The following PLEKHA2 variants were observed in gnomAD, a reference collection of about 807,000 sequenced individuals.
PLEKHA2 encodes pleckstrin homology domain containing A2.
Under a neutral mutation model 53.2 loss-of-function variants are expected in PLEKHA2, and 28 were observed. The ratio of observed to expected loss-of-function variants is 0.53; its 90% CI spans 0.39 to 0.72. The LOEUF is 0.72. PLEKHA2 is among the 30% of genes least tolerant of loss of function. PLEKHA2 has a pLI of 0.00. For synonymous variants in PLEKHA2, 193 were observed against 196.4 expected (o/e 0.98, Z 0.14); for missense variants, 426 against 537.9 (o/e 0.79, Z 2.06).
intron 8 of PLEKHA2, 39 bp downstream of exon 8, chr8:38,952,743 A>G (rs1416190610): frequency 6.3e-7 from 1 of 1,584,946 alleles, no homozygotes; most frequent in South Asian, 1.1e-5. Flanking sequence ...GAGGTCATGG[A>G]AACTAAGAGG....
chr8:38,923,110 T>A (rs1483862251), intron 2 of PLEKHA2, among the ~76,000 whole-genome samples: 1 of 152,186 alleles, frequency 6.6e-6, no homozygotes, highest in Non-Finnish European at 1.5e-5. Flanking sequence ...GGGTAGCATA[T>A]CATTAGGTGC....
chr8:38,929,636 G>A (rs900970978), intron 2 of PLEKHA2, among the ~76,000 whole-genome samples: 1 of 152,252 alleles, frequency 6.6e-6, no homozygotes, highest in Non-Finnish European at 1.5e-5. Context: ...GCGACCACAT[G>A]TGAAGGTGCC....
chr8:38,965,854 G>C (rs555000849), intron 10 of PLEKHA2, among the ~76,000 whole-genome samples: 6 of 152,094 alleles, frequency 3.9e-5, no homozygotes, highest in African/African-American at 1.4e-4. Flanking sequence ...CTGTGCGTTC[G>C]GCCCTGTTTC....
intron 2 of PLEKHA2, among the ~76,000 whole-genome samples, chr8:38,921,316 C>T (rs921686173): frequency 4.6e-5 from 7 of 152,194 alleles, no homozygotes; most frequent in Non-Finnish European, 1.0e-4. Flanking sequence ...ACCTGCTTCA[C>T]GCCATGCTTC....
intron 9 of PLEKHA2, among the ~76,000 whole-genome samples, chr8:38,955,374 A>T (rs563337581): frequency 6.6e-6 from 1 of 152,338 alleles, no homozygotes; most frequent in East Asian, 1.9e-4. Context: ...TTTTATTCAG[A>T]AACTCAGAAA....
intron 3 of PLEKHA2, among the ~76,000 whole-genome samples, chr8:38,939,818 A>G (rs9298646): frequency 0.88 from 133,326 of 152,244 alleles, 59,046 homozygotes; most frequent in African/African-American, 0.97. Context: ...GGGCATAGTG[A>G]CTCATGCCTG....
At chr8:38,905,458 T>TA (rs34178207) in intron 1 of PLEKHA2, among the ~76,000 whole-genome samples, 3 of 147,690 alleles carry the variant, frequency 2.0e-5, no homozygotes, top group South Asian at 4.3e-4. Flanking sequence ...ACCCTGCCTC[T>TA]AAAAAAAAAA....
At chr8:38,952,357 C>T (rs1433295104) in intron 7 of PLEKHA2, 45 bp downstream of exon 7, 2 of 1,596,676 alleles carry the variant, frequency 1.3e-6, no homozygotes, top group South Asian at 1.1e-5. Context: ...GGTGACTCCT[C>T]AGAGCCAGTG....
At chr8:38,914,711 A>G (rs1270897409) in intron 1 of PLEKHA2, among the ~76,000 whole-genome samples, 1 of 152,012 alleles carries the variant, frequency 6.6e-6, no homozygotes, top group Admixed American at 6.5e-5. Flanking sequence ...TGTGCATTTG[A>G]ATTGGGTGTC....
chr8:38,969,232 T>A (rs538749600), intron 11 of PLEKHA2, among the ~76,000 whole-genome samples, 189 bp from the exon 12 acceptor site: 2 of 152,186 alleles, frequency 1.3e-5, no homozygotes, highest in Non-Finnish European at 1.5e-5. Context: ...GTCCTGCAAG[T>A]TTCACTGCCA....
chr8:38,917,977 C>G lies in PLEKHA2; in HGVS notation c.48C>G (p.Ile16Met), dbSNP rs747475749. 4 of 1,613,592 alleles carry G rather than the reference C, an allele frequency of 2.5e-6. No homozygotes were observed. Among genetic ancestry groups the G allele is most frequent in the Non-Finnish European group, 1.7e-6 (2 of 1,179,682 alleles). The change falls in exon 2 of 12, where the codon ATC (isoleucine) becomes ATG (methionine). Residue 16 changes from isoleucine to methionine, a missense_variant. Coordinates refer to ENST00000617275, the MANE Select transcript of PLEKHA2 (RefSeq NM_021623.2). ...ACCGAATCTGTGGGTTTCTGGACAT[C>G]GAGGAGCATGAGAACAGCGGCAAGT... is the stretch of plus-strand genomic sequence containing the variant. ...RQNRICGFLD[I>M]EEHENSGKFL... is the part of the protein sequence containing the mutation.
chr8:38,972,460 C>G lies in PLEKHA2; in HGVS notation c.*2677C>G, dbSNP rs539156743. The G allele has an allele frequency of 6.6e-6, 1 of 152,262 alleles. No homozygotes were observed. Among genetic ancestry groups the G allele is most frequent in the South Asian group, 2.1e-4 (1 of 4,820 alleles). 9.4% of individuals were successfully genotyped at this position (152,262 alleles called of 1,614,324 possible). A position where few individuals can be genotyped will look rare whatever the true frequency, so the allele number is the denominator to read the frequency against. On this transcript the variant is annotated 3_prime_UTR_variant, in exon 12 of 12. Transcript: ENST00000617275. The stretch of plus-strand genomic sequence containing the variant: ...TTGGCCTCCTAAAGTGTTGGGATTA[C>G]AGGTGTGAGCCACTGCACCTAGCCA...
chr8:38,958,504 T>C (rs1834983266), intron 10 of PLEKHA2, among the ~76,000 whole-genome samples: 3 of 152,174 alleles, frequency 2.0e-5, no homozygotes, highest in Admixed American at 2.0e-4. Context: ...TCCCATTTCT[T>C]GGGCAGCAAT....
chr8:38,927,976 A>C (rs1000364789), intron 2 of PLEKHA2, among the ~76,000 whole-genome samples: 43 of 151,942 alleles, frequency 2.8e-4, no homozygotes, highest in African/African-American at 9.9e-4. Context: ...AGGCTACATG[A>C]GGGAAGAATG....
chr8:38,968,151 G>T (rs532179854), intron 10 of PLEKHA2, among the ~76,000 whole-genome samples: 10 of 152,232 alleles, frequency 6.6e-5, no homozygotes, highest in Admixed American at 6.5e-4. Flanking sequence ...GGATTATTCT[G>T]TTCAGATAGT....
intron 3 of PLEKHA2, among the ~76,000 whole-genome samples, chr8:38,938,557 C>G (rs1564130486): frequency 6.6e-6 from 1 of 152,242 alleles, no homozygotes; most frequent in Non-Finnish European, 1.5e-5. Flanking sequence ...CTTGCAGCTC[C>G]TGTGGTCTGT....
intron 3 of PLEKHA2, among the ~76,000 whole-genome samples, chr8:38,936,330 G>A (rs1229807491): frequency 2.6e-5 from 4 of 152,208 alleles, no homozygotes; most frequent in African/African-American, 9.7e-5. Flanking sequence ...GTGTTATGTG[G>A]TGGTGGAGCT....
chr8:38,917,705 A>AAGTG (rs1250503789), intron 1 of PLEKHA2, among the ~76,000 whole-genome samples: 1 of 152,204 alleles, frequency 6.6e-6, no homozygotes, highest in East Asian at 1.9e-4. Flanking sequence ...AGCCTTGGAA[A>AAGTG]AGTGAGTTGA....
intron 4 of PLEKHA2, among the ~76,000 whole-genome samples, chr8:38,944,799 A>G (rs988137380): frequency 1.2e-4 from 19 of 152,198 alleles, no homozygotes; most frequent in Admixed American, 7.2e-4. Flanking sequence ...TCCAAACCAT[A>G]TCAATGTCCA....
Sources: allele counts gnomAD v4.1 joint callset (sites outside exome capture counted in the v4.1 genomes callset), GRCh38; gene constraint gnomAD v4.1.1; transcripts MANE v1.5; gene names NCBI Gene and HGNC (gene_info 2026-07-23, HGNC 2026-07-21).